The following PTGIS variants were observed in gnomAD, a reference collection of about 807,000 sequenced individuals.
PTGIS encodes the protein prostaglandin I2 synthase.
In PTGIS, 45 loss-of-function variants were observed where a neutral mutation model predicts 50.3. That is an observed-to-expected ratio of 0.90 (90% CI 0.70 to 1.15). The LOEUF is 1.15. Among genes scored for constraint, PTGIS ranks in the 50% most tolerant of loss-of-function variants. PTGIS has a pLI of 0.00. For synonymous variants in PTGIS, 260 were observed against 267.7 expected, an observed-to-expected ratio of 0.97 and a Z score of 0.28; for missense variants, 668 against 661.3, an observed-to-expected ratio of 1.01 and a Z score of -0.11.
intron 5 of PTGIS, among the ~76,000 whole-genome samples, chr20:49,527,156 C>T (rs533711643): frequency 2.6e-5 from 4 of 151,898 alleles, no homozygotes; most frequent in South Asian, 4.2e-4. Context: ...GAAATTCTGA[C>T]GCATATGCCA....
intron 1 of PTGIS, among the ~76,000 whole-genome samples, chr20:49,556,879 TC>T (rs796084501): frequency 2.0e-5 from 3 of 152,252 alleles, no homozygotes; most frequent in African/African-American, 7.2e-5. Context: ...CTTTTTTTTT[TC>T]CTCCCCTCAT....
At chr20:49,541,889 G>T (rs1362349376) in intron 4 of PTGIS, among the ~76,000 whole-genome samples, 1 of 152,046 alleles carries the variant, frequency 6.6e-6, no homozygotes, top group Non-Finnish European at 1.5e-5. Context: ...ATACACACAC[G>T]ACCCACAGGC....
chr20:49,545,461 TGA>T (rs371385836), intron 3 of PTGIS, among the ~76,000 whole-genome samples: 4 of 150,130 alleles, frequency 2.7e-5, no homozygotes, highest in Non-Finnish European at 5.9e-5. Context: ...TGACCTCACA[TGA>T]GAGTGACACA....
chr20:49,551,935 C>T (rs962947354), intron 1 of PTGIS, among the ~76,000 whole-genome samples: 3 of 151,052 alleles, frequency 2.0e-5, no homozygotes, highest in African/African-American at 7.3e-5. Flanking sequence ...CTGTTTTCTC[C>T]ATTTACTTCT....
At chr20:49,558,768 C>A (rs1414638040) in intron 1 of PTGIS, among the ~76,000 whole-genome samples, 1 of 150,018 alleles carries the variant, frequency 6.7e-6, no homozygotes, top group Admixed American at 6.7e-5. Context: ...GGCTGGAGTG[C>A]AATGGCGCGA....
At position 49,552,022 on chromosome 20, in the gene PTGIS, A is replaced by C. The variant is rs190689332; in HGVS notation, c.75-1833T>G. On this transcript the variant is annotated intron_variant, in intron 1 of 9. Coordinates refer to ENST00000244043, the MANE Select transcript of PTGIS (RefSeq NM_000961.4). The stretch of plus-strand genomic sequence containing the variant: ...AATTTCTAACAGCCTGGGATTCCTT[A>C]AAGAAAACAGAGAAGGTGCCAGACT... 1.4e-3 allele frequency among the ~76,000 whole-genome samples: 211 copies of C among 152,230 alleles called. 2 individuals carry two copies. The highest frequency in any genetic ancestry group is 5.0e-3 in the African/African-American group (208 of 41,556).
intron 5 of PTGIS, among the ~76,000 whole-genome samples, chr20:49,531,303 G>A (rs1981928909): frequency 6.6e-6 from 1 of 152,170 alleles, no homozygotes; most frequent in African/African-American, 2.4e-5. Flanking sequence ...AGAAGATTCT[G>A]GAAAACTGAG....
At chr20:49,524,688 T>C (rs932497242) in intron 5 of PTGIS, among the ~76,000 whole-genome samples, 2 of 152,062 alleles carry the variant, frequency 1.3e-5, no homozygotes, top group Non-Finnish European at 2.9e-5. Flanking sequence ...ATAATCATAG[T>C]GGAAGGTGAA....
intron 6 of PTGIS, among the ~76,000 whole-genome samples, chr20:49,520,471 T>A (rs1351259222): frequency 2.6e-5 from 4 of 151,620 alleles, no homozygotes; most frequent in Non-Finnish European, 5.9e-5. Context: ...GTAGCTGGGA[T>A]TACGGGCCTG....
At chr20:49,519,145 A>T (rs930462698) in intron 6 of PTGIS, among the ~76,000 whole-genome samples, 36 of 125,824 alleles carry the variant, frequency 2.9e-4, no homozygotes, top group African/African-American at 9.5e-4. Flanking sequence ...GCCCCCCACC[A>T]CCCCACCCCA....
At chr20:49,567,655 A>G (rs1043256914) in intron 1 of PTGIS, among the ~76,000 whole-genome samples, 2 of 152,088 alleles carry the variant, frequency 1.3e-5, no homozygotes, top group African/African-American at 4.8e-5. Context: ...GAGAGTGGAG[A>G]GCGCTTCTTC....
At chr20:49,525,464 G>A (rs1981769546) in intron 5 of PTGIS, among the ~76,000 whole-genome samples, 1 of 152,190 alleles carries the variant, frequency 6.6e-6, no homozygotes, top group South Asian at 2.1e-4. Context: ...ATACAGCAGT[G>A]AAAGTGAGTT....
At chr20:49,536,060 T>C (rs1982060941) in intron 5 of PTGIS, among the ~76,000 whole-genome samples, 1 of 152,254 alleles carries the variant, frequency 6.6e-6, no homozygotes. Flanking sequence ...TACAGCTATA[T>C]TGTTAGGTTA....
At chr20:49,519,472 C>T (rs868522834) in intron 6 of PTGIS, among the ~76,000 whole-genome samples, 4 of 152,058 alleles carry the variant, frequency 2.6e-5, no homozygotes, top group Non-Finnish European at 4.4e-5. Context: ...TTCCCACTCC[C>T]GGCTCTCCTC....
intron 8 of PTGIS, among the ~76,000 whole-genome samples, chr20:49,512,520 G>T (rs1981352705): frequency 6.6e-6 from 1 of 152,190 alleles, no homozygotes; most frequent in African/African-American, 2.4e-5. Context: ...TAGATGGGCA[G>T]ATGAATGAAT....
At chr20:49,563,916 G>A (rs1361286683) in intron 1 of PTGIS, among the ~76,000 whole-genome samples, 1 of 152,200 alleles carries the variant, frequency 6.6e-6, no homozygotes, top group Non-Finnish European at 1.5e-5. Context: ...GCAGTAGCCT[G>A]GTGATATGGC....
chr20:49,508,190 G>A, intron 9 of PTGIS, 126 bp from the exon 10 acceptor site: 1 of 1,149,998 alleles, frequency 8.7e-7, no homozygotes, highest in Non-Finnish European at 1.3e-6. Context: ...GAGGAGAGGA[G>A]TGAGGAAGTA....
Position 49,506,482 on chromosome 20 carries a change from A to G in PTGIS, c.*1438T>C, listed in dbSNP as rs938362949. The G allele has an allele frequency of 6.6e-6, 1 of 152,152 alleles. No homozygotes were observed. The highest frequency in any genetic ancestry group is 1.5e-5 in the Non-Finnish European group (1 of 68,064). The allele number at this position is 152,152 out of a possible 1,614,324, so 9.4% of individuals were successfully genotyped here. On this transcript the variant is annotated 3_prime_UTR_variant, in exon 10 of 10. Coordinates refer to ENST00000244043, the MANE Select transcript of PTGIS (RefSeq NM_000961.4). ...AACCTCCACCTCCTGGGTTCAAGCA[A>G]TTCTGGTGCCTCAGCCTCCTGAATA...
chr20:49,563,181 C>G (rs1645615745), intron 1 of PTGIS, among the ~76,000 whole-genome samples: 1 of 152,176 alleles, frequency 6.6e-6, no homozygotes, highest in African/African-American at 2.4e-5. Context: ...TAATGGGGAA[C>G]AAAAGGGGGC....
Sources: allele counts gnomAD v4.1 joint callset (sites outside exome capture counted in the v4.1 genomes callset), GRCh38; gene constraint gnomAD v4.1.1; transcripts MANE v1.5; gene names NCBI Gene and HGNC (gene_info 2026-07-23, HGNC 2026-07-21).